The following MEF2A variants were observed in gnomAD, a reference collection of about 807,000 sequenced individuals.
MEF2A encodes myocyte-specific enhancer factor 2A.
MEF2A carries 28 observed loss-of-function variants against 55.8 expected under a neutral mutation model. The observed-to-expected ratio is 0.50, with a 90% CI of 0.37 to 0.69. The LOEUF is 0.69. Ranked by LOEUF, MEF2A falls within the 30% of genes least tolerant of loss-of-function variation. The pLI is 0.00. For synonymous variants in MEF2A, 239 were observed against 227.1 expected (o/e 1.05, Z -0.47); for missense variants, 528 against 626.2 (o/e 0.84, Z 1.67).
At chr15:99,637,233 A>G (rs1297037936) in intron 3 of MEF2A, among the ~76,000 whole-genome samples, 1 of 150,734 alleles carries the variant, frequency 6.6e-6, no homozygotes, top group Non-Finnish European at 1.5e-5. Context: ...GAATTTAGAT[A>G]TTTTTTTTCC....
chr15:99,577,079 C>A (rs1964531828), intron 1 of MEF2A, among the ~76,000 whole-genome samples: 1 of 152,196 alleles, frequency 6.6e-6, no homozygotes, highest in South Asian at 2.1e-4. Context: ...AGTAAAATAA[C>A]CTTTCTGGGC....
chr15:99,667,613 G>A (rs1316610087), intron 4 of MEF2A, among the ~76,000 whole-genome samples: 1 of 152,034 alleles, frequency 6.6e-6, no homozygotes, highest in Non-Finnish European at 1.5e-5. Context: ...TGAAAAAAAT[G>A]TTGCCTTTGT....
At chr15:99,679,229 G>A (rs989691568) in intron 7 of MEF2A, among the ~76,000 whole-genome samples, 4 of 152,196 alleles carry the variant, frequency 2.6e-5, no homozygotes, top group Non-Finnish European at 5.9e-5. Context: ...CTTATGTACT[G>A]TAGAGAAATG....
intron 4 of MEF2A, among the ~76,000 whole-genome samples, chr15:99,666,266 A>G (rs867892917): frequency 1.3e-5 from 2 of 152,212 alleles, no homozygotes; most frequent in Admixed American, 6.5e-5. Context: ...CATAAAAAAA[A>G]GAATGAGTTC....
At chr15:99,589,153 T>C (rs1762992376) in intron 1 of MEF2A, among the ~76,000 whole-genome samples, 1 of 152,240 alleles carries the variant, frequency 6.6e-6, no homozygotes. Context: ...AATCTTTAGA[T>C]GATTGAAGAA....
At chr15:99,638,176 G>A (rs1224944231) in intron 3 of MEF2A, among the ~76,000 whole-genome samples, 1 of 152,132 alleles carries the variant, frequency 6.6e-6, no homozygotes, top group Non-Finnish European at 1.5e-5. Context: ...TAGATTGGCA[G>A]TTTTATTCTC....
rs764228127 is a variant in MEF2A, at chr15:99,713,298, G to C, written c.*527G>C. 1.5e-5 allele frequency: 5 copies of C among 327,764 alleles called. No homozygotes were observed. Among genetic ancestry groups the C allele is most frequent in the Non-Finnish European group, 2.2e-5 (4 of 182,738 alleles). 20.3% of individuals were successfully genotyped at this position (327,764 alleles called of 1,614,324 possible). A position where few individuals can be genotyped will look rare whatever the true frequency, so the allele number is the denominator to read the frequency against. On this transcript the variant is annotated 3_prime_UTR_variant, in exon 12 of 12. Transcript: ENST00000557942. ...CTGGCATGGGTGTCTGTTGCAAAGGGGTGCATGGGAAAGGGCTGTTGATAT... is the reference window on the plus strand; with the variant it reads ...CTGGCATGGGTGTCTGTTGCAAAGGCGTGCATGGGAAAGGGCTGTTGATAT...
intron 2 of MEF2A, among the ~76,000 whole-genome samples, chr15:99,612,233 G>A (rs1034838834): frequency 3.9e-5 from 6 of 152,094 alleles, no homozygotes; most frequent in South Asian, 4.1e-4. Flanking sequence ...GGCTAACAGG[G>A]TGAAACCCTG....
chr15:99,712,642 T>C lies in MEF2A; in HGVS notation c.1389T>C (p.Tyr463=). 1 of 1,553,410 alleles carries C rather than the reference T, an allele frequency of 6.4e-7. No homozygotes were observed. Among genetic ancestry groups the C allele is most frequent in the Non-Finnish European group, 8.7e-7 (1 of 1,148,028 alleles). ...VDSLSSSSSS[Y]DGSDREDPRG... Reference sequence around the variant, plus strand: ...GTCTGAGCAGCTCTAGTAGCTCCTATGATGGCAGTGATCGGGAGGATCCAC... The same window carrying C: ...GTCTGAGCAGCTCTAGTAGCTCCTACGATGGCAGTGATCGGGAGGATCCAC... The change falls in exon 12 of 12, where the codon TAT becomes TAC. Residue 463 remains tyrosine, a synonymous_variant. Coordinates refer to ENST00000557942, the MANE Select transcript of MEF2A (RefSeq NM_001319206.4). The surrounding 1 kb of genome is among the most constrained non-coding windows in gnomAD (Gnocchi z 4.1).
chr15:99,671,873 C>G (rs557250104), intron 5 of MEF2A, among the ~76,000 whole-genome samples: 2 of 152,298 alleles, frequency 1.3e-5, no homozygotes, highest in Admixed American at 6.5e-5. Flanking sequence ...ACATGCCGAT[C>G]CAGACTTTGC....
intron 8 of MEF2A, among the ~76,000 whole-genome samples, chr15:99,691,394 T>C (rs546630073): frequency 4.6e-4 from 70 of 152,198 alleles, no homozygotes; most frequent in African/African-American, 1.6e-3. Flanking sequence ...CTAAACTATT[T>C]GTTAGAAAAT....
rs1286925410 is a variant in MEF2A at position 99,715,642 on chromosome 15, GTCTTT to G, written c.*2876_*2880del. ...ACGCTAATGGTGTTGCTTTAGAACCGTCTTTTCTTACCCTTTTAGACTCGTGTTTT... is the reference window on the plus strand; with the variant it reads ...ACGCTAATGGTGTTGCTTTAGAACCGTCTTACCCTTTTAGACTCGTGTTTT... On this transcript the variant is annotated 3_prime_UTR_variant, in exon 12 of 12. Coordinates refer to ENST00000557942, the MANE Select transcript of MEF2A (RefSeq NM_001319206.4). 2 of 152,138 alleles carry G rather than the reference GTCTTT, an allele frequency of 1.3e-5. No individual in the cohort carries two copies. The highest frequency in any genetic ancestry group is 2.9e-5 in the Non-Finnish European group (2 of 68,034). The allele number at this position is 152,138 out of a possible 1,614,324, so 9.4% of individuals were successfully genotyped here.
At chr15:99,565,975 G>A (rs552323731), upstream of MEF2A, 8 of 152,366 alleles carry the variant, frequency 5.3e-5, no homozygotes, top group East Asian at 1.6e-3. Flanking sequence ...AAATAGCCCC[G>A]GTGTGGGGAT....
At chr15:99,644,055 C>T (rs888070551) in intron 3 of MEF2A, among the ~76,000 whole-genome samples, 5 of 152,182 alleles carry the variant, frequency 3.3e-5, no homozygotes, top group Admixed American at 6.5e-5. Flanking sequence ...ACCTTCTCAA[C>T]TCTATTTTCA....
intron 1 of MEF2A, among the ~76,000 whole-genome samples, chr15:99,567,078 A>G (rs911706969): frequency 5.3e-5 from 8 of 152,372 alleles, no homozygotes; most frequent in South Asian, 2.1e-4. Context: ...AAGTGTAACT[A>G]TAGAATTGTT....
At chr15:99,627,699 A>G (rs781466387) in intron 2 of MEF2A, among the ~76,000 whole-genome samples, 2 of 152,232 alleles carry the variant, frequency 1.3e-5, no homozygotes, top group African/African-American at 2.4e-5. Context: ...GTTGCTGGCA[A>G]TAAGCTAGAC....
chr15:99,570,370 TAAAC>T (rs1294600880), intron 1 of MEF2A, among the ~76,000 whole-genome samples: 7 of 151,866 alleles, frequency 4.6e-5, no homozygotes, highest in East Asian at 1.9e-4. Flanking sequence ...AAAAACAAAA[TAAAC>T]AAGAAAACAT....
chr15:99,582,890 G>C (rs997875505), intron 1 of MEF2A, among the ~76,000 whole-genome samples: 6 of 152,078 alleles, frequency 3.9e-5, no homozygotes, highest in Non-Finnish European at 7.4e-5. Context: ...GTTGTAGATA[G>C]AACAGTTACT....
intron 1 of MEF2A, among the ~76,000 whole-genome samples, chr15:99,569,882 T>C (rs1401758746): frequency 6.6e-6 from 1 of 152,040 alleles, no homozygotes; most frequent in East Asian, 1.9e-4. Context: ...GTGTGCCTTA[T>C]AATAAATGGA....
Sources: allele counts gnomAD v4.1 joint callset (sites outside exome capture counted in the v4.1 genomes callset), GRCh38; gene constraint gnomAD v4.1.1; non-coding constraint Gnocchi (gnomAD v3.1); transcripts MANE v1.5; gene names NCBI Gene and HGNC (gene_info 2026-07-23, HGNC 2026-07-21).